The following CADM1 variants were observed in gnomAD, a reference collection of about 807,000 sequenced individuals.
CADM1 encodes cell adhesion molecule 1.
A neutral mutation model predicts 53.1 loss-of-function variants in CADM1; 15 were observed. The ratio of observed to expected loss-of-function variants is 0.28; its 90% CI spans 0.19 to 0.44. The LOEUF is 0.44. CADM1 is among the 20% of genes least tolerant of loss of function. CADM1 has a pLI of 1.00. For missense variants in CADM1, 434 were observed against 611.3 expected (o/e 0.71, Z 3.06); for synonymous variants, 281 against 243.0 (o/e 1.16, Z -1.45).
chr11:115,456,993 C>T (rs1232880253), intron 1 of CADM1, among the ~76,000 whole-genome samples: 1 of 152,080 alleles, frequency 6.6e-6, no homozygotes, highest in Non-Finnish European at 1.5e-5. Flanking sequence ...GTCTTATCCA[C>T]CTGTTAATTC....
chr11:115,196,537 GGAA>G (rs1483854233), intron 9 of CADM1, among the ~76,000 whole-genome samples: 35 of 136,090 alleles, frequency 2.6e-4, no homozygotes, highest in Admixed American at 1.1e-3. Flanking sequence ...GGACCACATT[GGAA>G]GAAGAATTGT....
At chr11:115,434,150 C>G (rs1948124470) in intron 1 of CADM1, among the ~76,000 whole-genome samples, 1 of 152,154 alleles carries the variant, frequency 6.6e-6, no homozygotes. Flanking sequence ...TTCCCCATGT[C>G]TATGACTTGC....
chr11:115,252,110 A>G (rs934237226), intron 1 of CADM1, among the ~76,000 whole-genome samples: 1 of 152,212 alleles, frequency 6.6e-6, no homozygotes, highest in Non-Finnish European at 1.5e-5. Context: ...AAGAAATGAG[A>G]CCATCGCACT....
chr11:115,420,634 G>A (rs1011606791), intron 1 of CADM1, among the ~76,000 whole-genome samples: 12 of 152,140 alleles, frequency 7.9e-5, no homozygotes, highest in Non-Finnish European at 1.5e-4. Flanking sequence ...AACAGGAGAG[G>A]TTCCTACTCA....
chr11:115,187,209 T>C (rs890569101), intron 10 of CADM1, among the ~76,000 whole-genome samples: 1 of 152,168 alleles, frequency 6.6e-6, no homozygotes, highest in Non-Finnish European at 1.5e-5. Flanking sequence ...GGGAATAAAA[T>C]AGCCTGTTTG....
intron 1 of CADM1, among the ~76,000 whole-genome samples, chr11:115,496,151 A>AT (rs1351840970): frequency 1.3e-5 from 2 of 152,224 alleles, no homozygotes; most frequent in Non-Finnish European, 2.9e-5. Context: ...AATCATGGCC[A>AT]TAATATCAAC....
chr11:115,465,021 A>C (rs928890039), intron 1 of CADM1, among the ~76,000 whole-genome samples: 1 of 152,186 alleles, frequency 6.6e-6, no homozygotes, highest in African/African-American at 2.4e-5. Flanking sequence ...AATATACACA[A>C]CCTGTACAAC....
rs528809996 is a variant in CADM1 at position 115,438,016 on chromosome 11, C to T, written c.124+66255G>A. 2.6e-5 allele frequency among the ~76,000 whole-genome samples: 4 copies of T among 152,254 alleles called. No individual in the cohort carries two copies. In the South Asian group the frequency reaches 6.2e-4, roughly 24 times the overall value. ...CACCGTGTAACGCCTGATTGCTGAGCGAATGTATTTTAGCATACTAGTTGT... is the reference window on the plus strand; with the variant it reads ...CACCGTGTAACGCCTGATTGCTGAGTGAATGTATTTTAGCATACTAGTTGT... On this transcript the variant is annotated intron_variant, in intron 1 of 11. Coordinates refer to ENST00000331581, the MANE Select transcript of CADM1 (RefSeq NM_001301043.2).
chr11:115,408,608 A>C (rs1411269949), intron 1 of CADM1, among the ~76,000 whole-genome samples: 3 of 152,154 alleles, frequency 2.0e-5, no homozygotes, highest in South Asian at 2.1e-4. Flanking sequence ...TGCTTTTACT[A>C]TGCCATATTA....
chr11:115,454,792 G>T (rs1948648224), intron 1 of CADM1, among the ~76,000 whole-genome samples: 1 of 152,172 alleles, frequency 6.6e-6, no homozygotes, highest in Non-Finnish European at 1.5e-5. Flanking sequence ...ACAGGATTTG[G>T]TCAAAGATCA....
chr11:115,188,694 T>C (rs1465806451), intron 10 of CADM1, among the ~76,000 whole-genome samples: 1 of 152,206 alleles, frequency 6.6e-6, no homozygotes, highest in Non-Finnish European at 1.5e-5. Flanking sequence ...CTCTAATTTA[T>C]TGATGGACTG....
At chr11:115,494,051 A>G (rs1183847298) in intron 1 of CADM1, among the ~76,000 whole-genome samples, 1 of 152,140 alleles carries the variant, frequency 6.6e-6, no homozygotes, top group Non-Finnish European at 1.5e-5. Context: ...CTTAGGCGCT[A>G]CATGCTGAAG....
At chr11:115,381,111 G>A (rs1591763530) in intron 1 of CADM1, among the ~76,000 whole-genome samples, 1 of 151,644 alleles carries the variant, frequency 6.6e-6, no homozygotes, top group African/African-American at 2.4e-5. Context: ...CCTGGCCAAG[G>A]TGGTGAAACC....
intron 1 of CADM1, among the ~76,000 whole-genome samples, chr11:115,439,267 A>G (rs1441512565): frequency 6.6e-6 from 1 of 152,190 alleles, no homozygotes; most frequent in Admixed American, 6.5e-5. Context: ...ATGGACATAC[A>G]GAAGAAATTC....
intron 1 of CADM1, among the ~76,000 whole-genome samples, chr11:115,437,657 C>T (rs1276338338): frequency 5.3e-5 from 8 of 152,204 alleles, no homozygotes; most frequent in Admixed American, 5.2e-4. Context: ...ACTCCCAAAT[C>T]TTCACCAGAC....
chr11:115,374,992 A>G (rs966182990), intron 1 of CADM1, among the ~76,000 whole-genome samples: 1 of 152,224 alleles, frequency 6.6e-6, no homozygotes, highest in Non-Finnish European at 1.5e-5. Context: ...TGTTGGTACA[A>G]AAGTATTTAG....
At chr11:115,427,564 T>C (rs891220282) in intron 1 of CADM1, among the ~76,000 whole-genome samples, 1 of 151,974 alleles carries the variant, frequency 6.6e-6, no homozygotes, top group African/African-American at 2.4e-5. Context: ...GGGGCAAACA[T>C]AGAAGAATAC....
At chr11:115,343,088 T>G (rs1004007955) in intron 1 of CADM1, among the ~76,000 whole-genome samples, 5 of 152,178 alleles carry the variant, frequency 3.3e-5, no homozygotes, top group African/African-American at 1.2e-4. Flanking sequence ...TTGTATTGTG[T>G]CCTTATTTGA....
intron 1 of CADM1, among the ~76,000 whole-genome samples, chr11:115,359,625 T>G (rs1945975502): frequency 6.6e-6 from 1 of 152,184 alleles, no homozygotes. Context: ...CAAGCTAGTG[T>G]GCCAACAAAT....
Sources: allele counts gnomAD v4.1 joint callset (sites outside exome capture counted in the v4.1 genomes callset), GRCh38; gene constraint gnomAD v4.1.1; transcripts MANE v1.5; gene names NCBI Gene and HGNC (gene_info 2026-07-23, HGNC 2026-07-21).